GABRR3: variants seen among roughly 807,000 people sequenced by gnomAD.
GABRR3 encodes gamma-aminobutyric acid receptor subunit rho-3.
Under a neutral mutation model 43.2 loss-of-function variants are expected in GABRR3, and 29 were observed. That is an observed-to-expected ratio of 0.67 (90% CI 0.50 to 0.92). GABRR3 has a LOEUF of 0.92. Ranked by LOEUF, GABRR3 falls within the 40% of genes least tolerant of loss-of-function variation. GABRR3 has a pLI of 0.00. For synonymous variants in GABRR3, 206 were observed against 195.9 expected, an observed-to-expected ratio of 1.05 and a Z score of -0.43; for missense variants, 576 against 572.3, an observed-to-expected ratio of 1.01 and a Z score of -0.07.
chr3:98,025,682 G>A lies in GABRR3; in HGVS notation c.126-3C>T. 1 of 1,594,684 alleles carries A rather than the reference G, an allele frequency of 6.3e-7. No homozygotes were observed. Among genetic ancestry groups the A allele is most frequent in the Non-Finnish European group, 8.5e-7 (1 of 1,171,456 alleles). On this transcript the variant is annotated splice_polypyrimidine_tract_variant and splice_region_variant and intron_variant, in intron 2 of 9. Transcript: ENST00000621172. ...TCTTCATTCTAGTTTCTTGTTTGCTGTTCCCCCAAAGGGAAAAAAAAAACT... is the reference window on the plus strand; with the variant it reads ...TCTTCATTCTAGTTTCTTGTTTGCTATTCCCCCAAAGGGAAAAAAAAAACT...
chr3:98,032,324 A>G (rs567126431), intron 2 of GABRR3, among the ~76,000 whole-genome samples: 119 of 152,320 alleles, frequency 7.8e-4, no homozygotes, highest in African/African-American at 2.5e-3. Context: ...CAGCCAGCTG[A>G]TAAATTTCCT....
rs371385903 is a variant in GABRR3 at position 97,986,766 on chromosome 3, G to T, written c.1321C>A (p.His441Asn). Residue 441 changes from histidine (H) to asparagine (N), a missense_variant, in exon 10 of 10, where the codon CAT (histidine) becomes AAT (asparagine). By Grantham distance (68) the His-to-Asn change is moderately conservative. Coordinates refer to ENST00000621172, the Ensembl canonical transcript of GABRR3. ...ATCCTAGAATAGGTGTCAATGACAT[G>T]GTTGTTTTCCAGAATGATTCTACCA... is the stretch of plus-strand genomic sequence containing the variant. 1.9e-6 allele frequency: 3 copies of T among 1,605,376 alleles called. No individual in the cohort carries two copies. Among genetic ancestry groups the T allele is most frequent in the Non-Finnish European group, 2.6e-6 (3 of 1,174,778 alleles).
At chr3:98,029,883 AGGCGGGCGGATCACTTGAGGTCAG>A in intron 2 of GABRR3, among the ~76,000 whole-genome samples, 1 of 152,164 alleles carries the variant, frequency 6.6e-6, no homozygotes, top group East Asian at 1.9e-4. Flanking sequence ...TGGGAGGCGA[AGGCGGGCGGATCACTTGAGGTCAG>A]GAGTTCGAGA....
chr3:98,009,489 G>A (rs1706761640), intron 5 of GABRR3, among the ~76,000 whole-genome samples: 1 of 152,182 alleles, frequency 6.6e-6, no homozygotes, highest in African/African-American at 2.4e-5. Flanking sequence ...TTTACCCGAG[G>A]ATATTCTCTT....
Position 98,007,863 on chromosome 3 carries a change from C to T in GABRR3, c.655G>A (p.Gly219Arg), listed in dbSNP as rs574044652. Residue 219 changes from glycine (G) to arginine (R), a missense_variant, in exon 7 of 10, where the codon GGA (glycine) becomes AGA (arginine). Gly to Arg is a moderately radical substitution (Grantham distance 125). Transcript: ENST00000621172. ...TCTTCAGTATTTAAGGACTTGTTTC[C>T]GTGTTTCCAGTATAGCATTAGGTCA... 2.9e-5 allele frequency: 46 copies of T among 1,603,832 alleles called. 1 individual carries two copies. Among genetic ancestry groups the T allele is most frequent in the Admixed American group, 1.5e-4 (9 of 58,392 alleles).
At chr3:98,011,608 A>T (rs374336890) in intron 5 of GABRR3, among the ~76,000 whole-genome samples, 1 of 151,448 alleles carries the variant, frequency 6.6e-6, no homozygotes, top group East Asian at 1.9e-4. Context: ...GTCTGCAAGG[A>T]TTTTTTTTTC....
chr3:97,990,590 G>A lies in GABRR3; in HGVS notation c.1104+2262C>T, dbSNP rs561968896. Among the ~76,000 whole-genome samples, 10 of 151,976 alleles carry A rather than the reference G, an allele frequency of 6.6e-5. 1 individual carries two copies. Among genetic ancestry groups the A allele is most frequent in the Admixed American group, 3.9e-4 (6 of 15,280 alleles). ...TGGAATTCCTGACCTCAAGAAATCCGCCTGCCTTGGCCTCCCAAAGTGCTG... is the reference window on the plus strand; with the variant it reads ...TGGAATTCCTGACCTCAAGAAATCCACCTGCCTTGGCCTCCCAAAGTGCTG... On this transcript the variant is annotated intron_variant, in intron 9 of 9. Transcript: ENST00000621172.
intron 8 of GABRR3, chr3:97,997,612 T>C (rs1706578371): frequency 6.6e-6 from 1 of 152,152 alleles, no homozygotes; most frequent in South Asian, 2.1e-4. Flanking sequence ...AGCAGATGAA[T>C]CATATTGATA....
chr3:98,002,463 T>C (rs1209149397), intron 7 of GABRR3, among the ~76,000 whole-genome samples: 1 of 152,150 alleles, frequency 6.6e-6, no homozygotes, highest in Non-Finnish European at 1.5e-5. Context: ...ACCTCTCCCA[T>C]TGACTACAAG....
At chr3:98,007,178 C>T (rs754973418) in intron 7 of GABRR3, among the ~76,000 whole-genome samples, 3 of 151,912 alleles carry the variant, frequency 2.0e-5, no homozygotes, top group South Asian at 2.1e-4. Context: ...CTGTTTTACA[C>T]GGGGTTGGTT....
chr3:97,997,923 T>C (rs1192561126), intron 8 of GABRR3: 1 of 152,218 alleles, frequency 6.6e-6, no homozygotes, highest in South Asian at 2.1e-4. Context: ...AATGTGATAA[T>C]GCACTTTCAT....
intron 9 of GABRR3, among the ~76,000 whole-genome samples, chr3:97,988,394 A>T (rs61275005): frequency 6.6e-6 from 1 of 151,940 alleles, no homozygotes; most frequent in African/African-American, 2.4e-5. Flanking sequence ...GAAAATAGCT[A>T]TTTTTCCTCT....
At chr3:98,012,961 T>A (rs1706821648) in intron 4 of GABRR3, among the ~76,000 whole-genome samples, 1 of 152,236 alleles carries the variant, frequency 6.6e-6, no homozygotes, top group South Asian at 2.1e-4. Flanking sequence ...AAATCACTTT[T>A]AAAACTGATT....
intron 2 of GABRR3, among the ~76,000 whole-genome samples, chr3:98,033,254 A>T (rs1707112944): frequency 6.6e-6 from 1 of 152,196 alleles, no homozygotes; most frequent in Non-Finnish European, 1.5e-5. Context: ...TTGTGACTCA[A>T]AGGAGCACTT....
intron 2 of GABRR3, among the ~76,000 whole-genome samples, chr3:98,032,063 C>CATAGTATAGTATAGTATAGT (rs63090761): frequency 3.8e-4 from 54 of 140,418 alleles, no homozygotes; most frequent in Middle Eastern, 3.5e-3. Flanking sequence ...GTGTCTAGCA[C>CATAGTATAGTATAGTATAGT]ATAGTATAGT....
chr3:98,002,933 C>T (rs1245719015), intron 7 of GABRR3, among the ~76,000 whole-genome samples: 2 of 152,092 alleles, frequency 1.3e-5, no homozygotes, highest in African/African-American at 4.8e-5. Context: ...AAGAAATACA[C>T]CTGGCCAACC....
chr3:98,007,460 A>G (rs1157906178), intron 7 of GABRR3, among the ~76,000 whole-genome samples: 2 of 152,188 alleles, frequency 1.3e-5, no homozygotes, highest in Non-Finnish European at 2.9e-5. Flanking sequence ...TGATGGAAAG[A>G]CACTGGAAAG....
chr3:98,015,268 G>T (rs1706860157), intron 4 of GABRR3, among the ~76,000 whole-genome samples: 1 of 152,166 alleles, frequency 6.6e-6, no homozygotes, highest in African/African-American at 2.4e-5. Flanking sequence ...TCTTGGTTCA[G>T]TATAACCTCC....
chr3:98,034,940 T>C (rs763442013), exon 2 of GABRR3: 2 of 1,613,042 alleles, frequency 1.2e-6, no homozygotes, highest in Admixed American at 1.7e-5. Flanking sequence ...TTGGTTTCAA[T>C]ATGATCCAGA....
Sources: allele counts gnomAD v4.1 joint callset (sites outside exome capture counted in the v4.1 genomes callset), GRCh38; gene constraint gnomAD v4.1.1; transcripts MANE v1.5; gene names NCBI Gene and HGNC (gene_info 2026-07-23, HGNC 2026-07-21).